Variants in PPFIA2 observed in about 807,000 individuals in gnomAD.
PPFIA2 encodes the protein PPFI scaffold protein A2.
Under a neutral mutation model 175.5 loss-of-function variants are expected in PPFIA2, and 46 were observed. The observed-to-expected ratio is 0.26, with a 90% CI of 0.21 to 0.34. The LOEUF is 0.34. PPFIA2 is among the 10% of genes least tolerant of loss of function. PPFIA2 has a pLI of 1.00. For synonymous variants in PPFIA2, 568 were observed against 511.4 expected, an observed-to-expected ratio of 1.11 and a Z score of -1.49; for missense variants, 1,179 against 1,506.1, an observed-to-expected ratio of 0.78 and a Z score of 3.60.
At chr12:81,330,677 G>C (rs946646686) in intron 21 of PPFIA2, among the ~76,000 whole-genome samples, 7 of 152,154 alleles carry the variant, frequency 4.6e-5, no homozygotes, top group African/African-American at 1.7e-4. Context: ...CATTTGTCCA[G>C]CAGAGGTCTC....
chr12:81,746,442 G>GAGTT (rs956592478), intron 3 of PPFIA2, among the ~76,000 whole-genome samples: 1 of 143,554 alleles, frequency 7.0e-6, no homozygotes, highest in African/African-American at 2.4e-5. Flanking sequence ...TCTGAACAGG[G>GAGTT]AGTTAGAGGA....
At chr12:81,658,733 G>T in intron 4 of PPFIA2, among the ~76,000 whole-genome samples, 1 of 151,648 alleles carries the variant, frequency 6.6e-6, no homozygotes. Flanking sequence ...TATGTTTAAG[G>T]GTTGTATATA....
rs544095476 is a variant in PPFIA2 at position 81,318,763 on chromosome 12, C to A, written c.2642+7014G>T. 5.3e-5 allele frequency among the ~76,000 whole-genome samples: 8 copies of A among 151,678 alleles called. No individual in the cohort carries two copies. In the South Asian group the frequency reaches 1.0e-3, roughly 20 times the overall value. On this transcript the variant is annotated intron_variant, in intron 22 of 32. Transcript: ENST00000549396. Reference sequence around the variant, plus strand: ...GAACATTAGGGTGCCTTTGAGTTTTCGGCACTTTTCTCATTCTCCACAAAG... The same window carrying A: ...GAACATTAGGGTGCCTTTGAGTTTTAGGCACTTTTCTCATTCTCCACAAAG...
intron 22 of PPFIA2, 60 bp downstream of exon 22, chr12:81,325,717 A>G: frequency 8.2e-7 from 1 of 1,221,476 alleles, no homozygotes; most frequent in Non-Finnish European, 1.2e-6. Flanking sequence ...TTAATTCCCT[A>G]TAAATAATAA....
intron 22 of PPFIA2, among the ~76,000 whole-genome samples, chr12:81,304,824 A>G (rs1349569209): frequency 6.6e-6 from 1 of 152,102 alleles, no homozygotes; most frequent in African/African-American, 2.4e-5. Flanking sequence ...AGTTTATTCT[A>G]AACATAGTAA....
intron 4 of PPFIA2, among the ~76,000 whole-genome samples, chr12:81,580,002 G>C (rs973166008): frequency 6.6e-6 from 1 of 151,780 alleles, no homozygotes; most frequent in Non-Finnish European, 1.5e-5. Flanking sequence ...ATCCAAGAGA[G>C]AGAAGAGATA....
At chr12:81,514,514 T>C (rs1243048178) in intron 4 of PPFIA2, among the ~76,000 whole-genome samples, 1 of 151,914 alleles carries the variant, frequency 6.6e-6, no homozygotes, top group East Asian at 1.9e-4. Context: ...TTTTTAAAAT[T>C]AGGATTTTCA....
At chr12:81,599,675 G>C (rs1234611841) in intron 4 of PPFIA2, among the ~76,000 whole-genome samples, 6 of 151,844 alleles carry the variant, frequency 4.0e-5, no homozygotes, top group Non-Finnish European at 1.5e-5. Flanking sequence ...TACTTTACTT[G>C]GATTTTACTA....
chr12:81,386,051 G>A (rs2038867817), intron 8 of PPFIA2, among the ~76,000 whole-genome samples: 1 of 151,760 alleles, frequency 6.6e-6, no homozygotes, highest in African/African-American at 2.4e-5. Context: ...TGAGGCAGGA[G>A]ACTGCTTGAG....
chr12:81,338,315 T>C (rs910063846), intron 21 of PPFIA2, among the ~76,000 whole-genome samples: 3 of 152,054 alleles, frequency 2.0e-5, no homozygotes, highest in Non-Finnish European at 2.9e-5. Context: ...AAAATTAATA[T>C]ATAGAAAGAC....
At chr12:81,692,182 C>A (rs1031721534) in intron 3 of PPFIA2, among the ~76,000 whole-genome samples, 2 of 151,484 alleles carry the variant, frequency 1.3e-5, no homozygotes, top group Non-Finnish European at 2.9e-5. Context: ...ATGGGAAGAT[C>A]AAGGTAGCAA....
intron 8 of PPFIA2, among the ~76,000 whole-genome samples, chr12:81,389,216 A>C (rs1313751639): frequency 6.8e-6 from 1 of 147,976 alleles, no homozygotes; most frequent in East Asian, 2.0e-4. Flanking sequence ...AATATTGATA[A>C]ATATTTATTT....
At chr12:81,438,354 G>A (rs1158921915) in intron 7 of PPFIA2, among the ~76,000 whole-genome samples, 1 of 152,166 alleles carries the variant, frequency 6.6e-6, no homozygotes, top group African/African-American at 2.4e-5. Context: ...CGTAATCCCA[G>A]CTACTTGGGA....
At chr12:81,552,394 T>C (rs950791561) in intron 4 of PPFIA2, among the ~76,000 whole-genome samples, 2 of 151,796 alleles carry the variant, frequency 1.3e-5, no homozygotes, top group Admixed American at 1.3e-4. Flanking sequence ...GACTTAGTCA[T>C]AACAGTTAAT....
chr12:81,472,797 C>T (rs1020569449), intron 4 of PPFIA2: 6 of 152,168 alleles, frequency 3.9e-5, no homozygotes, highest in Non-Finnish European at 5.9e-5. Flanking sequence ...TAATGCTTCA[C>T]ATTAAAAATA....
chr12:81,559,754 T>C (rs551579700), intron 4 of PPFIA2, among the ~76,000 whole-genome samples: 2 of 152,062 alleles, frequency 1.3e-5, no homozygotes, highest in Non-Finnish European at 2.9e-5. Flanking sequence ...TAAGTGATTT[T>C]ACATTTCATT....
At chr12:81,295,956 C>T (rs2046339003) in intron 23 of PPFIA2, among the ~76,000 whole-genome samples, 1 of 151,062 alleles carries the variant, frequency 6.6e-6, no homozygotes, top group South Asian at 2.1e-4. Context: ...GGCCTTTAGA[C>T]TCCAGGCTGG....
rs913890371 is a variant in PPFIA2 at position 81,258,865 on chromosome 12, T to A, written c.*829A>T. ...CTTAGTAAAGAAGTTTTTTTATCTT[T>A]TTTTTTTTCTTGGTCCACAGGTAAC... On this transcript the variant is annotated 3_prime_UTR_variant, in exon 33 of 33. Transcript: ENST00000549396. 1 of 151,958 alleles carries A rather than the reference T, an allele frequency of 6.6e-6. No individual in the cohort carries two copies. The highest frequency in any genetic ancestry group is 2.4e-5 in the African/African-American group (1 of 41,372). The allele number at this position is 151,958 out of a possible 1,614,324, so 9.4% of individuals were successfully genotyped here.
intron 4 of PPFIA2, among the ~76,000 whole-genome samples, chr12:81,596,743 T>A (rs1757592297): frequency 6.6e-6 from 1 of 152,102 alleles, no homozygotes; most frequent in Admixed American, 6.6e-5. Context: ...AAAAAAGTAA[T>A]AATTCTGTAC....
Sources: allele counts gnomAD v4.1 joint callset (sites outside exome capture counted in the v4.1 genomes callset), GRCh38; gene constraint gnomAD v4.1.1; transcripts MANE v1.5; gene names NCBI Gene and HGNC (gene_info 2026-07-23, HGNC 2026-07-21).